Variants in ARB2A observed in about 807,000 individuals in gnomAD.
ARB2A encodes the protein ARB2 cotranscriptional regulator A, also known as cotranscriptional regulator ARB2A.
chr5:94,059,618 C>CAAAA, the ARB2A span, among the ~76,000 whole-genome samples: 9 of 62,738 alleles, frequency 1.4e-4, no homozygotes, highest in African/African-American at 3.0e-4. Flanking sequence ...GAGACTGTCT[C>CAAAA]AAAAAAAAAA....
the ARB2A span, among the ~76,000 whole-genome samples, chr5:93,833,401 A>T: frequency 6.6e-6 from 1 of 152,224 alleles, no homozygotes; most frequent in Non-Finnish European, 1.5e-5. Context: ...GATATTCATC[A>T]CTGTCTCATT....
chr5:93,959,004 C>A, the ARB2A span: 1 of 1,401,034 alleles, frequency 7.1e-7, no homozygotes, highest in Middle Eastern at 2.1e-4. Context: ...AAATAAATGT[C>A]TTCTGATCAG....
chr5:93,834,658 A>G, the ARB2A span, among the ~76,000 whole-genome samples: 3 of 152,194 alleles, frequency 2.0e-5, no homozygotes, highest in South Asian at 4.1e-4. Context: ...AGTTTTAAAT[A>G]TATATGTATA....
chr5:93,776,587 G>A, the ARB2A span, among the ~76,000 whole-genome samples: 2 of 152,272 alleles, frequency 1.3e-5, no homozygotes, highest in South Asian at 2.1e-4. Flanking sequence ...AGACCAGCGT[G>A]GCCAACATGG....
At chr5:93,667,314 T>C in the ARB2A span, among the ~76,000 whole-genome samples, 1 of 151,996 alleles carries the variant, frequency 6.6e-6, no homozygotes, top group Non-Finnish European at 1.5e-5. Flanking sequence ...AAGTCAAAAT[T>C]TGCATTTTCC....
the ARB2A span, among the ~76,000 whole-genome samples, chr5:93,759,256 A>C: frequency 6.6e-6 from 1 of 152,166 alleles, no homozygotes; most frequent in Non-Finnish European, 1.5e-5. Flanking sequence ...ATGGTAATAA[A>C]AAATTACCAG....
chr5:94,084,142 C>G, the ARB2A span, among the ~76,000 whole-genome samples: 1 of 151,710 alleles, frequency 6.6e-6, no homozygotes, highest in African/African-American at 2.4e-5. Flanking sequence ...GGCATGGTGG[C>G]AGGCACCTGT....
At chr5:94,015,676 G>T in the ARB2A span, among the ~76,000 whole-genome samples, 1 of 151,924 alleles carries the variant, frequency 6.6e-6, no homozygotes, top group Non-Finnish European at 1.5e-5. Context: ...GAGTTAAAAT[G>T]AAGAATTGTT....
the ARB2A span, among the ~76,000 whole-genome samples, chr5:94,080,979 T>C: frequency 6.6e-6 from 1 of 152,138 alleles, no homozygotes; most frequent in African/African-American, 2.4e-5. Flanking sequence ...ATCCAGAATA[T>C]ATAAAGAACT....
chr5:94,064,821 T>C, the ARB2A span, among the ~76,000 whole-genome samples: 5 of 152,160 alleles, frequency 3.3e-5, no homozygotes, highest in South Asian at 1.0e-3. Flanking sequence ...AGACCAGATC[T>C]AAGAGAACTG....
the ARB2A span, among the ~76,000 whole-genome samples, chr5:93,928,933 T>C: frequency 6.6e-6 from 1 of 152,022 alleles, no homozygotes; most frequent in Non-Finnish European, 1.5e-5. Flanking sequence ...TGTATTAAAT[T>C]GGAAAGTCTG....
chr5:93,973,189 C>T, the ARB2A span, among the ~76,000 whole-genome samples: 3 of 151,710 alleles, frequency 2.0e-5, no homozygotes, highest in African/African-American at 4.8e-5. Context: ...TGAACTTATG[C>T]AATCCTCCCA....
the ARB2A span, among the ~76,000 whole-genome samples, chr5:94,003,103 A>G: frequency 1.3e-5 from 2 of 152,216 alleles, no homozygotes; most frequent in African/African-American, 2.4e-5. Flanking sequence ...TGCAAATTCC[A>G]GCTACTGGCA....
chr5:94,059,511 C>T, the ARB2A span, among the ~76,000 whole-genome samples: 1 of 146,622 alleles, frequency 6.8e-6, no homozygotes, highest in Non-Finnish European at 1.5e-5. Flanking sequence ...ATCCCAGGTA[C>T]TTGGGAGGCC....
chr5:93,779,090 AGTGTGTGTGT>A, the ARB2A span, among the ~76,000 whole-genome samples: 111 of 143,448 alleles, frequency 7.7e-4, no homozygotes, highest in East Asian at 6.1e-3. Flanking sequence ...GTCATTTCAG[AGTGTGTGTGT>A]GTGTGTGTGT....
chr5:94,072,029 C>T, the ARB2A span, among the ~76,000 whole-genome samples: 10 of 152,042 alleles, frequency 6.6e-5, no homozygotes, highest in Non-Finnish European at 1.0e-4. Flanking sequence ...TATTACTCAT[C>T]GGTAATAAAC....
chr5:93,771,289 T>A, the ARB2A span, among the ~76,000 whole-genome samples: 1 of 151,830 alleles, frequency 6.6e-6, no homozygotes, highest in African/African-American at 2.4e-5. Context: ...CCTTACACCT[T>A]ATACAAAAAT....
chr5:93,748,503 T>A, the ARB2A span, among the ~76,000 whole-genome samples: 2 of 152,070 alleles, frequency 1.3e-5, no homozygotes, highest in Non-Finnish European at 2.9e-5. Flanking sequence ...ATGACAAAGT[T>A]TTTAAATTCT....
chr5:93,627,150 A>C, the ARB2A span, among the ~76,000 whole-genome samples: 1 of 152,176 alleles, frequency 6.6e-6, no homozygotes, highest in African/African-American at 2.4e-5. Context: ...ATTCAGCCAC[A>C]TCTTCAGGCT....
Sources: allele counts gnomAD v4.1 joint callset (sites outside exome capture counted in the v4.1 genomes callset), GRCh38; gene constraint gnomAD v4.1.1; transcripts MANE v1.5; gene names NCBI Gene and HGNC (gene_info 2026-07-23, HGNC 2026-07-21).